TXLNA: variants seen among roughly 807,000 people sequenced by gnomAD.
TXLNA encodes the protein taxilin alpha.
TXLNA carries 9 observed loss-of-function variants against 61.4 expected under a neutral mutation model. That is an observed-to-expected ratio of 0.15 (90% CI 0.09 to 0.26). TXLNA has a LOEUF of 0.26. Among genes scored for constraint, TXLNA ranks in the 10% least tolerant of loss-of-function variants. The probability of loss-of-function intolerance (pLI) is 1.00; values close to 1 mark genes in which losing one functional copy is unlikely to be tolerated. For missense variants in TXLNA, 565 were observed against 688.8 expected (o/e 0.82, Z 2.01); for synonymous variants, 257 against 267.7 (o/e 0.96, Z 0.39).
At chr1:32,182,277 C>T (rs1194291762) in intron 3 of TXLNA, among the ~76,000 whole-genome samples, 1 of 152,052 alleles carries the variant, frequency 6.6e-6, no homozygotes, top group Non-Finnish European at 1.5e-5. Context: ...CTCTTGGGCC[C>T]TTCTGGGGAG....
chr1:32,183,457 T>C, intron 3 of TXLNA, among the ~76,000 whole-genome samples: 1 of 78,296 alleles, frequency 1.3e-5, no homozygotes, highest in African/African-American at 5.2e-5. Context: ...AGATGGAGCC[T>C]CGCTCTGTCC....
chr1:32,191,903 C>G (rs1642914902), intron 6 of TXLNA, among the ~76,000 whole-genome samples: 1 of 152,216 alleles, frequency 6.6e-6, no homozygotes, highest in African/African-American at 2.4e-5. Flanking sequence ...CTAGATATGG[C>G]AAGTCTTTGC....
intron 3 of TXLNA, among the ~76,000 whole-genome samples, chr1:32,183,025 C>A (rs112311872): frequency 0.094 from 14,101 of 150,662 alleles, 868 homozygotes; most frequent in South Asian, 0.25. Flanking sequence ...TGAGATCATG[C>A]CATTGCACTC....
chr1:32,188,397 G>C (rs1642835113), intron 5 of TXLNA, among the ~76,000 whole-genome samples: 1 of 152,224 alleles, frequency 6.6e-6, no homozygotes, highest in South Asian at 2.1e-4. Flanking sequence ...CCAACACTTT[G>C]GGAGGCTGAG....
chr1:32,191,191 CCTGGCTGTT>C (rs1642899201), intron 6 of TXLNA, among the ~76,000 whole-genome samples: 1 of 152,066 alleles, frequency 6.6e-6, no homozygotes, highest in African/African-American at 2.4e-5. Context: ...CTGCCAGTCA[CCTGGCTGTT>C]CTGGGCGCGT....
chr1:32,185,362 GTATGTA>G (rs1420970177), intron 4 of TXLNA, among the ~76,000 whole-genome samples: 30 of 143,682 alleles, frequency 2.1e-4, no homozygotes, highest in African/African-American at 8.2e-4. Context: ...GCCTGTGTAT[GTATGTA>G]TGTATGTATG....
chr1:32,187,264 A>G (rs113824454), intron 4 of TXLNA, among the ~76,000 whole-genome samples: 1 of 152,190 alleles, frequency 6.6e-6, no homozygotes, highest in Non-Finnish European at 1.5e-5. Flanking sequence ...TTAAATACAT[A>G]TATTACTAAA....
chr1:32,181,434 G>A lies in TXLNA; in HGVS notation c.362G>A (p.Gly121Glu). The A allele has an allele frequency of 6.2e-7, 1 of 1,614,190 alleles. No individual in the cohort carries two copies. Among genetic ancestry groups the A allele is most frequent in the Non-Finnish European group, 8.5e-7 (1 of 1,180,040 alleles). ...TCCCGGACCTATGTGGCAAGGAATG[G>A]GGAGCCTGAACCAACTCCAGTAGTC... is the stretch of plus-strand genomic sequence containing the variant. ...EKSRTYVARNGEPEPTPVVNG... is the reference protein window; with the variant it reads ...EKSRTYVARNEEPEPTPVVNG... The change falls in exon 3 of 11, where the codon GGG becomes GAG. Residue 121 changes from glycine to glutamate, a missense_variant. Coordinates refer to ENST00000373610, the MANE Select transcript of TXLNA (RefSeq NM_175852.4).
intron 9 of TXLNA, 52 bp downstream of exon 9, chr1:32,193,352 C>T: frequency 7.0e-7 from 1 of 1,432,808 alleles, no homozygotes; most frequent in Non-Finnish European, 9.8e-7. Context: ...CTGCTTCATT[C>T]AAAATTGTTG....
chr1:32,192,226 C>G lies in TXLNA; in HGVS notation c.964-85C>G, dbSNP rs542976505. ...TATCAGATTGAGATGGGGGGCTGGG[C>G]AAAGTGCCCTGGTCTGTGGCTGTGG... is the stretch of plus-strand genomic sequence containing the variant. On this transcript the variant is annotated intron_variant, in intron 6 of 10. Coordinates refer to ENST00000373610, the MANE Select transcript of TXLNA (RefSeq NM_175852.4). This position sits in a 1 kb window ranked among gnomAD's most constrained non-coding sequence, Gnocchi z 4.2. 1.0e-5 allele frequency: 16 copies of G among 1,560,864 alleles called. No homozygotes were observed. The South Asian group carries it at 1.4e-4, about 14-fold the overall frequency.
chr1:32,190,818 C>T (rs1435496650), intron 6 of TXLNA, among the ~76,000 whole-genome samples: 6 of 152,168 alleles, frequency 3.9e-5, no homozygotes, highest in Non-Finnish European at 8.8e-5. Flanking sequence ...TCAGGCTGGG[C>T]GTGGTGGCTC....
chr1:32,195,226 G>A lies in TXLNA; in HGVS notation c.*31G>A. The A allele has an allele frequency of 6.5e-7, 1 of 1,537,044 alleles. No individual in the cohort carries two copies. The highest frequency in any genetic ancestry group is 1.3e-5 in the South Asian group (1 of 78,228). On this transcript the variant is annotated 3_prime_UTR_variant, in exon 11 of 11. Transcript: ENST00000373610. ...CTGGTGTTGGGTCATGCTGGGAAGGGAGCGGCAGCCCAGCCAGGCCTGGCC... is the reference window on the plus strand; with the variant it reads ...CTGGTGTTGGGTCATGCTGGGAAGGAAGCGGCAGCCCAGCCAGGCCTGGCC...
At chr1:32,189,913 G>A (rs1035564694) in intron 5 of TXLNA, 142 bp from the exon 6 acceptor site, 12 of 796,526 alleles carry the variant, frequency 1.5e-5, no homozygotes, top group East Asian at 5.5e-5. Flanking sequence ...ATTGGAACCC[G>A]CATTGCACAA....
chr1:32,184,626 C>G lies in TXLNA; in HGVS notation c.597+10C>G. On this transcript the variant is annotated intron_variant, in intron 4 of 10. Transcript: ENST00000373610. ...GAAGTATGCTGAACTGGTCAGTTCC[C>G]CCCTCCGCGGGCACCTTCCCTGCGT... 2.5e-6 allele frequency: 4 copies of G among 1,586,274 alleles called. No homozygotes were observed. Among genetic ancestry groups the G allele is most frequent in the Non-Finnish European group, 3.5e-6 (4 of 1,158,322 alleles).
chr1:32,194,239 A>C, intron 10 of TXLNA, 79 bp downstream of exon 10: 1 of 1,151,986 alleles, frequency 8.7e-7, no homozygotes, highest in South Asian at 1.3e-5. Context: ...TGTTCTACCC[A>C]TCAGTGACAC....
At chr1:32,185,374 G>GTATC (rs1363470135) in intron 4 of TXLNA, among the ~76,000 whole-genome samples, 32 of 149,930 alleles carry the variant, frequency 2.1e-4, no homozygotes, top group Non-Finnish European at 3.0e-5. Context: ...ATGTATGTAT[G>GTATC]TATGTATGTA....
intron 4 of TXLNA, among the ~76,000 whole-genome samples, chr1:32,186,146 G>A (rs1642785479): frequency 6.6e-6 from 1 of 152,220 alleles, no homozygotes; most frequent in Non-Finnish European, 1.5e-5. Context: ...AGGAAGATAA[G>A]CACCCTTTTG....
At chr1:32,191,299 G>A (rs1642902089) in intron 6 of TXLNA, among the ~76,000 whole-genome samples, 2 of 152,270 alleles carry the variant, frequency 1.3e-5, no homozygotes, top group South Asian at 4.1e-4. Flanking sequence ...CCCCTGGGGT[G>A]TGGCAGTGGG....
At position 32,181,474 on chromosome 1, in the gene TXLNA, A is replaced by T. The variant is rs1301289252; in HGVS notation, c.402A>T (p.Glu134Asp). 4.3e-6 allele frequency: 7 copies of T among 1,613,020 alleles called. No individual in the cohort carries two copies. The highest frequency in any genetic ancestry group is 5.9e-6 in the Non-Finnish European group (7 of 1,179,540). ...CTCCAGTAGTCAATGGAGAGAAGGAACCCTCCAAGGGGGATCCAAACACAG... is the reference window on the plus strand; with the variant it reads ...CTCCAGTAGTCAATGGAGAGAAGGATCCCTCCAAGGGGGATCCAAACACAG... ...EPTPVVNGEK[E>D]PSKGDPNTEE... The change falls in exon 3 of 11, where the codon GAA becomes GAT. Residue 134 changes from glutamate (E) to aspartate (D), a missense_variant. Physicochemically the swap from Glu to Asp is conservative, Grantham distance 45. This residue lies in a region of TXLNA where 192 missense variants were observed against 184.8 expected (regional missense o/e 1.04). Coordinates refer to ENST00000373610, the MANE Select transcript of TXLNA (RefSeq NM_175852.4).
Sources: gnomAD v4.1 joint callset for allele counts (sites outside exome capture counted in the v4.1 genomes callset) on GRCh38, gnomAD v4.1.1 for gene constraint, gnomAD v4.1.1 regional missense constraint, Gnocchi (gnomAD v3.1) non-coding constraint, MANE v1.5 for transcripts, NCBI Gene and HGNC (gene_info 2026-07-23, HGNC 2026-07-21) for gene names.